MGAT4C: variants seen among roughly 807,000 people sequenced by gnomAD.
MGAT4C encodes the protein alpha-1,3-mannosyl-glycoprotein 4-beta-N-acetylglucosaminyltransferase C.
A neutral mutation model predicts 40.1 loss-of-function variants in MGAT4C; 19 were observed. The observed-to-expected ratio is 0.47, with a 90% CI of 0.33 to 0.70. The LOEUF (loss-of-function observed/expected upper bound fraction) is 0.70. MGAT4C is among the 30% of genes least tolerant of loss of function. MGAT4C has a pLI of 0.02. For missense variants in MGAT4C, 491 were observed against 563.2 expected, an observed-to-expected ratio of 0.87 and a Z score of 1.30; for synonymous variants, 181 against 187.1, an observed-to-expected ratio of 0.97 and a Z score of 0.27.
chr12:86,654,618 T>C (rs1473061303), intron 2 of MGAT4C, among the ~76,000 whole-genome samples: 1 of 151,996 alleles, frequency 6.6e-6, no homozygotes, highest in Non-Finnish European at 1.5e-5. Context: ...AATCTTTCTT[T>C]AGTTTAGCTG....
chr12:86,398,189 C>A (rs561329139), intron 3 of MGAT4C, among the ~76,000 whole-genome samples: 1 of 152,236 alleles, frequency 6.6e-6, no homozygotes, highest in East Asian at 1.9e-4. Flanking sequence ...GTCAGTATCA[C>A]CAAGCCAGAA....
chr12:86,222,613 A>G (rs1437121055), intron 1 of MGAT4C, among the ~76,000 whole-genome samples: 1 of 152,222 alleles, frequency 6.6e-6, no homozygotes, highest in African/African-American at 2.4e-5. Flanking sequence ...AAGATGAACT[A>G]TTCTTAATTT....
chr12:85,986,420 C>T (rs1885208511), intron 3 of MGAT4C, among the ~76,000 whole-genome samples: 1 of 152,224 alleles, frequency 6.6e-6, no homozygotes, highest in African/African-American at 2.4e-5. Flanking sequence ...GTCTCTTCTA[C>T]TTAGTTTGCC....
intron 1 of MGAT4C, among the ~76,000 whole-genome samples, chr12:86,119,424 C>T (rs73385598): frequency 0.042 from 6,439 of 151,692 alleles, 460 homozygotes; most frequent in African/African-American, 0.14. Flanking sequence ...ATTTTTCTTC[C>T]TTTTTTTTCT....
chr12:86,183,653 A>C (rs1888376393), intron 1 of MGAT4C, among the ~76,000 whole-genome samples: 1 of 152,154 alleles, frequency 6.6e-6, no homozygotes, highest in Non-Finnish European at 1.5e-5. Flanking sequence ...TTCCAAAATC[A>C]AGGGACTGGC....
At chr12:86,396,453 A>G (rs961533074) in intron 3 of MGAT4C, among the ~76,000 whole-genome samples, 3 of 152,222 alleles carry the variant, frequency 2.0e-5, no homozygotes, top group Admixed American at 6.5e-5. Context: ...ACACATCTCT[A>G]GGCAAAAAGA....
At chr12:86,078,720 C>A (rs556849834) in intron 1 of MGAT4C, among the ~76,000 whole-genome samples, 1 of 152,246 alleles carries the variant, frequency 6.6e-6, no homozygotes, top group African/African-American at 2.4e-5. Flanking sequence ...TAACCTCTAT[C>A]CCTGCCACCA....
At chr12:86,390,921 TAC>T (rs1435010567) in intron 3 of MGAT4C, among the ~76,000 whole-genome samples, 1 of 152,196 alleles carries the variant, frequency 6.6e-6, no homozygotes, top group Non-Finnish European at 1.5e-5. Flanking sequence ...CTTCTAATTC[TAC>T]AACCCGTATC....
chr12:86,192,627 C>T (rs1219994416), intron 1 of MGAT4C, among the ~76,000 whole-genome samples: 2 of 152,082 alleles, frequency 1.3e-5, no homozygotes, highest in African/African-American at 4.8e-5. Context: ...TCCAAAAGAA[C>T]CACATGATTT....
At position 86,559,662 on chromosome 12, in the gene MGAT4C, AG is replaced by A. The variant is rs1297757842; in HGVS notation, c.-228-124398del. Among the ~76,000 whole-genome samples, 21 of 152,134 alleles carry A rather than the reference AG, an allele frequency of 1.4e-4. 1 individual carries two copies. The highest frequency in any genetic ancestry group is 1.1e-3 in the Admixed American group (17 of 15,294). ...GGCATATAGCAAAAGCAGTGCTCAA[AG>A]GGACTTTTATAAGAATAAATGCCTA... On this transcript the variant is annotated intron_variant, in intron 2 of 7. Transcript: ENST00000548651.
At chr12:86,347,650 A>G (rs1285212236) in intron 3 of MGAT4C, among the ~76,000 whole-genome samples, 2 of 152,172 alleles carry the variant, frequency 1.3e-5, no homozygotes, top group Non-Finnish European at 1.5e-5. Context: ...TCGTATAGAC[A>G]CATATTTACT....
At chr12:86,183,131 A>AACT (rs374914745) in intron 1 of MGAT4C, among the ~76,000 whole-genome samples, 47 of 152,282 alleles carry the variant, frequency 3.1e-4, no homozygotes, top group African/African-American at 1.1e-3. Flanking sequence ...CATTCTGTGG[A>AACT]ACTCATGCTT....
chr12:86,294,229 G>T (rs1177367666), intron 4 of MGAT4C, among the ~76,000 whole-genome samples: 1 of 152,022 alleles, frequency 6.6e-6, no homozygotes, highest in Non-Finnish European at 1.5e-5. Context: ...TACAGCAGTG[G>T]ACATGTTTGG....
intron 2 of MGAT4C, among the ~76,000 whole-genome samples, chr12:86,673,819 C>G (rs1470544341): frequency 6.6e-6 from 1 of 151,320 alleles, no homozygotes; most frequent in Non-Finnish European, 1.5e-5. Context: ...GTATATGGAT[C>G]TGAGAAAAAA....
At chr12:86,439,330 A>C (rs1013392245) in intron 2 of MGAT4C, among the ~76,000 whole-genome samples, 9 of 152,040 alleles carry the variant, frequency 5.9e-5, no homozygotes, top group South Asian at 4.1e-4. Flanking sequence ...GGAATCCTCA[A>C]AACTATACAA....
intron 2 of MGAT4C, among the ~76,000 whole-genome samples, chr12:86,504,722 T>G (rs1019019051): frequency 2.6e-5 from 4 of 152,240 alleles, no homozygotes; most frequent in African/African-American, 9.6e-5. Context: ...CATCTCACAC[T>G]GTCGCCTAGG....
intron 1 of MGAT4C, among the ~76,000 whole-genome samples, chr12:86,101,670 A>T (rs1310364681): frequency 6.6e-6 from 1 of 151,780 alleles, no homozygotes; most frequent in Non-Finnish European, 1.5e-5. Context: ...GGTAACCAAA[A>T]TGGTAGTACA....
rs148145054 is a variant in MGAT4C at position 86,477,295 on chromosome 12, G to T, written c.-228-42030C>A. Among the ~76,000 whole-genome samples, 223 of 151,964 alleles carry T rather than the reference G, an allele frequency of 1.5e-3. 2 individuals are homozygous for T. In the East Asian group the frequency reaches 0.027, roughly 18 times the overall value. Reference sequence around the variant, plus strand: ...ATGAAATTAGAGGCCATTATCATAAGATAATTAAAGCACAAATAGAAAACC... The same window carrying T: ...ATGAAATTAGAGGCCATTATCATAATATAATTAAAGCACAAATAGAAAACC... On this transcript the variant is annotated intron_variant, in intron 2 of 7. Coordinates refer to the MGAT4C transcript ENST00000548651.
intron 2 of MGAT4C, among the ~76,000 whole-genome samples, chr12:86,705,006 G>C (rs536735942): frequency 1.2e-4 from 19 of 152,016 alleles, no homozygotes; most frequent in Non-Finnish European, 2.6e-4. Context: ...AAAGGTGGAG[G>C]CATGTTATCC....
Sources: allele counts gnomAD v4.1 joint callset (sites outside exome capture counted in the v4.1 genomes callset), GRCh38; gene constraint gnomAD v4.1.1; transcripts MANE v1.5; gene names NCBI Gene and HGNC (gene_info 2026-07-23, HGNC 2026-07-21).